The following MAP7 variants were observed in gnomAD, a reference collection of about 807,000 sequenced individuals.
MAP7 encodes the protein ensconsin.
MAP7 carries 52 observed loss-of-function variants against 94.8 expected under a neutral mutation model. That is an observed-to-expected ratio of 0.55 (90% CI 0.44 to 0.69). The LOEUF (loss-of-function observed/expected upper bound fraction) is 0.69, where lower values mean the gene tolerates loss of function less well. Among genes scored for constraint, MAP7 ranks in the 30% least tolerant of loss-of-function variants. The pLI, the probability that MAP7 is intolerant of heterozygous loss-of-function variation, is 0.00. For missense variants in MAP7, 940 were observed against 964.6 expected, an observed-to-expected ratio of 0.97 and a Z score of 0.34; for synonymous variants, 350 against 357.0, an observed-to-expected ratio of 0.98 and a Z score of 0.22.
chr6:136,414,252 C>CAGAAAAAAAAAAAAA (rs1788553683), intron 2 of MAP7, among the ~76,000 whole-genome samples: 1 of 15,932 alleles, frequency 6.3e-5, no homozygotes, highest in Non-Finnish European at 1.6e-4. Flanking sequence ...GACTCCGTCT[C>CAGAAAAAAAAAAAAA]AAAAAAAAAA....
chr6:136,372,751 A>G (rs1774951239), intron 7 of MAP7, 126 bp from the exon 8 acceptor site: 3 of 1,181,892 alleles, frequency 2.5e-6, no homozygotes, highest in East Asian at 4.7e-5. Context: ...AGATAGAGAG[A>G]AAAGTAGGAA....
At chr6:136,464,472 G>T (rs940197224) in intron 1 of MAP7, among the ~76,000 whole-genome samples, 1 of 152,172 alleles carries the variant, frequency 6.6e-6, no homozygotes, top group African/African-American at 2.4e-5. Context: ...AGCTATTGTT[G>T]TTAATCTCTT....
At chr6:136,417,189 GT>G (rs1789768199) in intron 2 of MAP7, among the ~76,000 whole-genome samples, 1 of 152,186 alleles carries the variant, frequency 6.6e-6, no homozygotes. Flanking sequence ...ATAAAATTAA[GT>G]TACTGATTCT....
chr6:136,394,931 C>CATATATATATATATATATACAT lies in MAP7; in HGVS notation c.245-5415_245-5414insATGTATATATATATATATATAT, dbSNP rs1781891275. Among the ~76,000 whole-genome samples the CATATATATATATATATATACAT allele has an allele frequency of 3.0e-3, 83 of 27,490 alleles. 3 individuals are homozygous for CATATATATATATATATATACAT. Among genetic ancestry groups the CATATATATATATATATATACAT allele is most frequent in the African/African-American group, 7.0e-3 (81 of 11,640 alleles). 18.0% of individuals were successfully genotyped at this position (27,490 alleles called of 152,430 possible). A position where few individuals can be genotyped will look rare whatever the true frequency, so the allele number is the denominator to read the frequency against. On this transcript the variant is annotated intron_variant, in intron 3 of 17. Transcript: ENST00000354570. ...TTTTTATGGTTGAATAATATTCCAT[C>CATATATATATATATATATACAT]ATATATATATATATATATATATATA...
At chr6:136,500,425 C>A (rs1448127337) in intron 1 of MAP7, among the ~76,000 whole-genome samples, 2 of 152,198 alleles carry the variant, frequency 1.3e-5, no homozygotes, top group African/African-American at 2.4e-5. Context: ...AATCTCTTAA[C>A]ATCTAAGTGC....
intron 2 of MAP7, among the ~76,000 whole-genome samples, chr6:136,413,971 C>G (rs1042853178): frequency 1.3e-4 from 19 of 152,000 alleles, no homozygotes; most frequent in Admixed American, 2.6e-4. Context: ...TTAAATGGGC[C>G]GGGCGCGGTG....
At chr6:136,493,329 G>A (rs753555478) in intron 1 of MAP7, among the ~76,000 whole-genome samples, 13 of 152,086 alleles carry the variant, frequency 8.5e-5, no homozygotes, top group Non-Finnish European at 1.3e-4. Context: ...CTCCATGTTG[G>A]TCAGTCTGGT....
At chr6:136,547,808 A>G (rs1322760179) in intron 1 of MAP7, among the ~76,000 whole-genome samples, 1 of 152,096 alleles carries the variant, frequency 6.6e-6, no homozygotes, top group Admixed American at 6.5e-5. Flanking sequence ...CTGTCAATTC[A>G]TCTTTGATAC....
chr6:136,523,615 GGTTAT>G (rs767423500), intron 1 of MAP7, among the ~76,000 whole-genome samples: 1 of 152,272 alleles, frequency 6.6e-6, no homozygotes. Context: ...ACGGTTATCT[GGTTAT>G]TTTATTGAAT....
chr6:136,493,030 A>G lies in MAP7; in HGVS notation c.67+57312T>C, dbSNP rs947789083. On this transcript the variant is annotated intron_variant, in intron 1 of 17. Transcript: ENST00000354570. ...TTTGAATAAAATAATATAAACCATA[A>G]AACTGTTATACTTAATAGTGCCAAG... 9.2e-5 allele frequency among the ~76,000 whole-genome samples: 14 copies of G among 152,100 alleles called. No homozygotes were observed. In the South Asian group the frequency reaches 2.9e-3, roughly 32 times the overall value.
At chr6:136,494,935 TACACACAA>T (rs927278276) in intron 1 of MAP7, among the ~76,000 whole-genome samples, 18 of 152,100 alleles carry the variant, frequency 1.2e-4, no homozygotes, top group Non-Finnish European at 5.9e-5. Context: ...TGTACACACA[TACACACAA>T]ACAGAGAGAA....
At chr6:136,365,455 C>T (rs905788060) in intron 10 of MAP7, among the ~76,000 whole-genome samples, 3 of 152,306 alleles carry the variant, frequency 2.0e-5, no homozygotes, top group Non-Finnish European at 2.9e-5. Context: ...AAAATTCTGA[C>T]TTCTATCAAG....
In MAP7 at chr6:136,362,473, C is replaced by G; in HGVS notation, c.1503G>C (p.Arg501Ser). 1 of 1,614,182 alleles carries G rather than the reference C, an allele frequency of 6.2e-7. No individual in the cohort carries two copies. The highest frequency in any genetic ancestry group is 8.5e-7 in the Non-Finnish European group (1 of 1,180,038). Residue 501 changes from arginine (R) to serine (S), a missense_variant, in exon 11 of 18, where the codon AGG (arginine) becomes AGC (serine). By Grantham distance (110) the Arg-to-Ser change is moderately radical. Transcript: ENST00000354570. ...REQREKEERE[R>S]REQEELERQK... ...ACCTTTCAAGCTCTTCCTGCTCCCT[C>G]CTCTCCCTTTCTTCCTTTTCTCTCT...
At chr6:136,475,865 T>C (rs955208330) in intron 1 of MAP7, 4 of 152,188 alleles carry the variant, frequency 2.6e-5, no homozygotes, top group African/African-American at 9.7e-5. Flanking sequence ...AAGATCCTCC[T>C]TGCGCATGTG....
intron 1 of MAP7, among the ~76,000 whole-genome samples, chr6:136,422,172 C>A (rs1183241936): frequency 2.6e-5 from 4 of 152,218 alleles, no homozygotes; most frequent in Non-Finnish European, 5.9e-5. Context: ...GTATTAATTT[C>A]TTTCTTGCTT....
chr6:136,349,126 C>A (rs994720475), intron 16 of MAP7, among the ~76,000 whole-genome samples: 2 of 152,090 alleles, frequency 1.3e-5, no homozygotes, highest in Non-Finnish European at 2.9e-5. Flanking sequence ...GTTTCCTGTT[C>A]CAAAGCAAGT....
intron 3 of MAP7, among the ~76,000 whole-genome samples, chr6:136,407,321 C>T (rs984769329): frequency 2.6e-5 from 4 of 152,060 alleles, no homozygotes; most frequent in Non-Finnish European, 4.4e-5. Flanking sequence ...GATAAAAATT[C>T]AGTAGTGTAT....
chr6:136,427,919 G>A (rs1431870334), intron 1 of MAP7, among the ~76,000 whole-genome samples: 1 of 152,144 alleles, frequency 6.6e-6, no homozygotes, highest in Non-Finnish European at 1.5e-5. Context: ...ACCTTAAGAT[G>A]TATGACCATG....
chr6:136,441,750 C>A (rs1285009604), intron 1 of MAP7, among the ~76,000 whole-genome samples: 1 of 152,128 alleles, frequency 6.6e-6, no homozygotes, highest in East Asian at 1.9e-4. Context: ...TGTGGTGGCT[C>A]CAACCTGTAA....
Sources: allele counts gnomAD v4.1 joint callset (sites outside exome capture counted in the v4.1 genomes callset), GRCh38; gene constraint gnomAD v4.1.1; transcripts MANE v1.5; gene names NCBI Gene and HGNC (gene_info 2026-07-23, HGNC 2026-07-21).